The following SMARCC2 variants were observed in gnomAD, a reference collection of about 807,000 sequenced individuals.
SMARCC2 encodes the protein SWI/SNF related BAF chromatin remodeling complex subunit C2.
A neutral mutation model predicts 151.3 loss-of-function variants in SMARCC2; 15 were observed. That is an observed-to-expected ratio of 0.10 (90% CI 0.07 to 0.15). SMARCC2 has a LOEUF of 0.15. Ranked by LOEUF, SMARCC2 falls within the 10% of genes least tolerant of loss-of-function variation. The probability of loss-of-function intolerance (pLI) is 1.00; values close to 1 mark genes in which losing one functional copy is unlikely to be tolerated. For synonymous variants in SMARCC2, 590 were observed against 609.5 expected (o/e 0.97, Z 0.47); for missense variants, 1,031 against 1,599.7 (o/e 0.64, Z 6.06).
intron 17 of SMARCC2, among the ~76,000 whole-genome samples, chr12:56,173,295 C>T (rs929815744): frequency 6.6e-6 from 1 of 152,034 alleles, no homozygotes. Flanking sequence ...AGCCACATAA[C>T]CTTCTTCCTA....
rs1872021332 is a variant in SMARCC2 at position 56,162,541 on chromosome 12, C to A, written c.*1148G>T. 2.0e-6 allele frequency: 1 copy of A among 510,620 alleles called. No individual in the cohort carries two copies. Among genetic ancestry groups the A allele is most frequent in the East Asian group, 3.2e-5 (1 of 31,622 alleles). 31.6% of individuals were successfully genotyped at this position (510,620 alleles called of 1,614,324 possible). ...GAAGAACCAGTGCAGAGCCTGGAGTCACACCTGCCTTCCCGTCACAGGGGA... is the reference window on the plus strand; with the variant it reads ...GAAGAACCAGTGCAGAGCCTGGAGTAACACCTGCCTTCCCGTCACAGGGGA... On this transcript the variant is annotated 3_prime_UTR_variant, in exon 29 of 29. Coordinates refer to ENST00000550164, the MANE Select transcript of SMARCC2 (RefSeq NM_001330288.2).
chr12:56,184,875 C>T lies in SMARCC2; in HGVS notation c.461G>A (p.Gly154Glu), dbSNP rs1876926030. Reference sequence around the variant, plus strand: ...TCTCTTGATAATGTCCTTTAATTTCCCTAGTAGTTTGGGCTCAATTTCTGG... The same window carrying T: ...TCTCTTGATAATGTCCTTTAATTTCTCTAGTAGTTTGGGCTCAATTTCTGG... ...LCPEIEPKLL[G>E]KLKDIIKRHQ... The change falls in exon 5 of 29, where the codon GGG becomes GAG. Residue 154 changes from glycine to glutamate, a missense_variant. By Grantham distance (98) the Gly-to-Glu change is moderately conservative. Around this residue, in one of 12 missense-constraint regions of SMARCC2, gnomAD observed 123 missense variants for 190.4 expected, o/e 0.65. Coordinates refer to ENST00000550164, the MANE Select transcript of SMARCC2 (RefSeq NM_001330288.2). 2 of 1,612,228 alleles carry T rather than the reference C, an allele frequency of 1.2e-6. No individual in the cohort carries two copies. Among genetic ancestry groups the T allele is most frequent in the Non-Finnish European group, 1.7e-6 (2 of 1,178,516 alleles).
Position 56,182,094 on chromosome 12 carries a change from T to A in SMARCC2, c.633-15A>T. 6.3e-7 allele frequency: 1 copy of A among 1,592,212 alleles called. No homozygotes were observed. The highest frequency in any genetic ancestry group is 8.6e-7 in the Non-Finnish European group (1 of 1,161,320). ...ACGTGTCGTAACTGCCATGGGAAAT[T>A]GAGCACACAGTAGAATCAATGGGAT... On this transcript the variant is annotated splice_polypyrimidine_tract_variant and intron_variant, in intron 7 of 28. Coordinates refer to ENST00000550164, the MANE Select transcript of SMARCC2 (RefSeq NM_001330288.2).
At chr12:56,172,009 A>C in intron 20 of SMARCC2, 72 bp from the exon 21 acceptor site, 1 of 1,432,472 alleles carries the variant, frequency 7.0e-7, no homozygotes, top group Non-Finnish European at 9.5e-7. Context: ...CCCCCATCCT[A>C]CTAAGGGCAG....
intron 15 of SMARCC2, 93 bp downstream of exon 15, chr12:56,177,929 A>G: frequency 5.5e-6 from 5 of 909,324 alleles, no homozygotes; most frequent in Non-Finnish European, 8.7e-6. Flanking sequence ...AAGATGCTCA[A>G]GAAATGTTTG....
Position 56,181,233 on chromosome 12 carries a change from C to T in SMARCC2, c.957-132G>A, listed in dbSNP as rs897998438. The T allele has an allele frequency of 4.5e-6, 4 of 883,336 alleles. No individual in the cohort carries two copies. In the Admixed American group the frequency reaches 8.3e-5, roughly 18 times the overall value. The allele number at this position is 883,336 out of a possible 1,614,324, so 54.7% of individuals were successfully genotyped here. ...CTGAGTACAAACAGAAACCAGTAAT[C>T]ACACAGTAATGGGAAGTGGCAAAGG... On this transcript the variant is annotated intron_variant, in intron 10 of 28. Coordinates refer to ENST00000550164, the MANE Select transcript of SMARCC2 (RefSeq NM_001330288.2).
intron 26 of SMARCC2, 103 bp from the exon 27 acceptor site, chr12:56,165,802 T>A: frequency 8.4e-7 from 1 of 1,191,414 alleles, no homozygotes; most frequent in Non-Finnish European, 1.2e-6. Context: ...TGCCTCTCAA[T>A]CAGAAGGTTC....
Position 56,168,336 on chromosome 12 carries a change from G to A in SMARCC2, c.2716-142C>T. On this transcript the variant is annotated intron_variant, in intron 25 of 28. Coordinates refer to ENST00000550164, the MANE Select transcript of SMARCC2 (RefSeq NM_001330288.2). ...CATGGTGAAAGGGCTTGACTTTTTT[G>A]TGCTGGGATTATAGGCGTGAGCCAC... 5.7e-6 allele frequency: 5 copies of A among 880,434 alleles called. No individual in the cohort carries two copies. In the South Asian group the frequency reaches 8.4e-5, roughly 15 times the overall value. The allele number at this position is 880,434 out of a possible 1,614,324, so 54.5% of individuals were successfully genotyped here.
At position 56,171,371 on chromosome 12, in the gene SMARCC2, T is replaced by A; in HGVS notation, c.2247A>T (p.Lys749Asn). 1 of 1,614,192 alleles carries A rather than the reference T, an allele frequency of 6.2e-7. No individual in the cohort carries two copies. Among genetic ancestry groups the A allele is most frequent in the Non-Finnish European group, 8.5e-7 (1 of 1,180,028 alleles). The change falls in exon 22 of 29, where the codon AAA becomes AAT. Residue 749 changes from lysine (K) to asparagine (N), a missense_variant. By Grantham distance (94) the Lys-to-Asn change is moderately conservative. Around this residue, in one of 12 missense-constraint regions of SMARCC2, gnomAD observed 119 missense variants for 184.2 expected, o/e 0.65. Transcript: ENST00000550164. This position sits in a 1 kb window ranked among gnomAD's most constrained non-coding sequence, Gnocchi z 4.2. ...PTALVEAHVRKVEEAAKVTGK... is the reference protein window; with the variant it reads ...PTALVEAHVRNVEEAAKVTGK... Reference sequence around the variant, plus strand: ...CTGTTACTTTGGCTGCTTCTTCCACTTTTCGAACATGGGCCTCCACCAAGG... The same window carrying A: ...CTGTTACTTTGGCTGCTTCTTCCACATTTCGAACATGGGCCTCCACCAAGG...
chr12:56,172,160 G>A (rs1392532715), intron 20 of SMARCC2: 1 of 561,624 alleles, frequency 1.8e-6, no homozygotes, highest in Non-Finnish European at 3.1e-6. Flanking sequence ...AAGCTCACTG[G>A]AGCCTTGACC....
At chr12:56,175,330 C>A (rs549576923) in intron 15 of SMARCC2, among the ~76,000 whole-genome samples, 1 of 152,228 alleles carries the variant, frequency 6.6e-6, no homozygotes, top group South Asian at 2.1e-4. Context: ...AATTTTTAAA[C>A]AAGGAATTAG....
chr12:56,186,020 C>T (rs1435502886), intron 3 of SMARCC2, 135 bp downstream of exon 3: 3 of 685,474 alleles, frequency 4.4e-6, no homozygotes, highest in East Asian at 2.5e-5. Flanking sequence ...ATCTTCCTGA[C>T]GTAGTAAGTC....
rs545095634 is a variant in SMARCC2 at position 56,181,904 on chromosome 12, C to G, written c.709-69G>C. On this transcript the variant is annotated intron_variant, in intron 8 of 28. Transcript: ENST00000550164. ...CACAGCTCTGTCTGGGGACCCTTAA[C>G]AGAAAAAGCTCAAGGGCATACAAGC... 89 of 1,604,208 alleles carry G rather than the reference C, an allele frequency of 5.5e-5. 2 individuals carry two copies. In the East Asian group the frequency reaches 9.1e-4, roughly 16 times the overall value.
In SMARCC2 at chr12:56,184,143, C is replaced by T. The variant is rs138205596; in HGVS notation, c.562+32G>A. On this transcript the variant is annotated intron_variant, in intron 6 of 28. Transcript: ENST00000550164. ...CCTCTGCCTCCTAGTCCAAACCATC[C>T]ACTCAAGTGGACAGGAAAACCCAGG... 3.9e-5 allele frequency: 60 copies of T among 1,533,764 alleles called. No individual in the cohort carries two copies. In the African/African-American group the frequency reaches 7.6e-4, roughly 19 times the overall value.
In SMARCC2 at chr12:56,176,871, G is replaced by C. The variant is rs916732974; in HGVS notation, c.1382+1151C>G. 4.6e-5 allele frequency among the ~76,000 whole-genome samples: 7 copies of C among 151,578 alleles called. No individual in the cohort carries two copies. In the East Asian group the frequency reaches 7.7e-4, roughly 17 times the overall value. On this transcript the variant is annotated intron_variant, in intron 15 of 28. Coordinates refer to ENST00000550164, the MANE Select transcript of SMARCC2 (RefSeq NM_001330288.2). Reference sequence around the variant, plus strand: ...AGTTTCACTCTTGTTGCCCAGGCTGGAGTGCAATGGCGTAATCTCGGCTCA... The same window carrying C: ...AGTTTCACTCTTGTTGCCCAGGCTGCAGTGCAATGGCGTAATCTCGGCTCA...
Position 56,165,642 on chromosome 12 carries a change from G to C in SMARCC2, c.2908C>G (p.Leu970Val), listed in dbSNP as rs1194654230. ...ADRQAFHMEQ[L>V]KYAEMRARQQ... is the part of the protein sequence containing the mutation. ...CGAGCCCTCATCTCCGCATACTTCAGCTGCTCCATGTGGAAGGCTTGTCTG... is the reference window on the plus strand; with the variant it reads ...CGAGCCCTCATCTCCGCATACTTCACCTGCTCCATGTGGAAGGCTTGTCTG... Residue 970 changes from leucine to valine, a missense_variant, in exon 27 of 29, where the codon CTG (leucine) becomes GTG (valine). By Grantham distance (32) the Leu-to-Val change is conservative. Around this residue, in one of 12 missense-constraint regions of SMARCC2, gnomAD observed 49 missense variants for 134.8 expected, o/e 0.36. Coordinates refer to ENST00000550164, the MANE Select transcript of SMARCC2 (RefSeq NM_001330288.2). 5 of 1,613,358 alleles carry C rather than the reference G, an allele frequency of 3.1e-6. No homozygotes were observed. The highest frequency in any genetic ancestry group is 4.2e-6 in the Non-Finnish European group (5 of 1,180,036).
At chr12:56,172,362 G>A (rs1174276947) in intron 20 of SMARCC2, 66 bp downstream of exon 20, 26 of 1,415,918 alleles carry the variant, frequency 1.8e-5, no homozygotes, top group Middle Eastern at 2.2e-4. Context: ...GATTACAGGC[G>A]TGAGCCTCTA....
intron 16 of SMARCC2, 24 bp from the exon 17 acceptor site, chr12:56,173,873 G>C: frequency 6.3e-7 from 1 of 1,598,494 alleles, no homozygotes; most frequent in African/African-American, 1.3e-5. Flanking sequence ...GGCAGAGACA[G>C]GGTCACACGG....
chr12:56,177,748 T>C (rs995262942), intron 15 of SMARCC2, among the ~76,000 whole-genome samples: 1 of 152,226 alleles, frequency 6.6e-6, no homozygotes, highest in Non-Finnish European at 1.5e-5. Flanking sequence ...AAAGGCTCTA[T>C]ACCCTGTTAA....
Sources: allele counts gnomAD v4.1 joint callset (sites outside exome capture counted in the v4.1 genomes callset), GRCh38; gene constraint gnomAD v4.1.1; regional missense constraint gnomAD v4.1.1; non-coding constraint Gnocchi (gnomAD v3.1); transcripts MANE v1.5; gene names NCBI Gene and HGNC (gene_info 2026-07-23, HGNC 2026-07-21).